The following EEPD1 variants were observed in gnomAD, a reference collection of about 807,000 sequenced individuals.
EEPD1 encodes the protein endonuclease/exonuclease/phosphatase family domain containing 1.
A neutral mutation model predicts 46.3 loss-of-function variants in EEPD1; 17 were observed. The observed-to-expected ratio is 0.37, with a 90% CI of 0.25 to 0.55. The LOEUF (loss-of-function observed/expected upper bound fraction) is 0.55. Among genes scored for constraint, EEPD1 ranks in the 20% least tolerant of loss-of-function variants. EEPD1 has a pLI of 0.83. For synonymous variants in EEPD1, 313 were observed against 315.6 expected (o/e 0.99, Z 0.09); for missense variants, 673 against 745.6 (o/e 0.90, Z 1.13).
rs11461004 is a variant in EEPD1 at position 36,292,988 on chromosome 7, T to TAA, written c.1316-3996_1316-3995dup. Reference sequence around the variant, plus strand: ...ATTGTTGGTTTGTTACACCTAAAGTTAAAAAAAAAATTATTCCCAGTAAGA... The same window carrying TAA: ...ATTGTTGGTTTGTTACACCTAAAGTTAAAAAAAAAAAATTATTCCCAGTAAGA... On this transcript the variant is annotated intron_variant, in intron 6 of 7. Coordinates refer to ENST00000242108, the MANE Select transcript of EEPD1 (RefSeq NM_030636.3). Among the ~76,000 whole-genome samples, 48 of 150,812 alleles carry TAA rather than the reference T, an allele frequency of 3.2e-4. No homozygotes were observed. The East Asian group carries it at 5.0e-3, about 16-fold the overall frequency.
rs190287158 is a variant in EEPD1, at chr7:36,163,513, G to C, written c.878+8311G>C. Among the ~76,000 whole-genome samples the C allele has an allele frequency of 4.6e-5, 7 of 152,264 alleles. No homozygotes were observed. The East Asian group carries it at 1.4e-3, about 29-fold the overall frequency. ...CTCAGCGAAGCTGAGAAATTTTACT[G>C]CTTTCAGAGGGTGGAACTTGGTTTA... On this transcript the variant is annotated intron_variant, in intron 2 of 7. Transcript: ENST00000242108.
chr7:36,294,625 A>AT (rs943030426), intron 6 of EEPD1, among the ~76,000 whole-genome samples: 1 of 151,820 alleles, frequency 6.6e-6, no homozygotes, highest in Non-Finnish European at 1.5e-5. Flanking sequence ...TTTAAAAAAA[A>AT]TTTTTTTTTA....
At chr7:36,157,323 A>G (rs938199011) in intron 2 of EEPD1, among the ~76,000 whole-genome samples, 3 of 152,182 alleles carry the variant, frequency 2.0e-5, no homozygotes, top group African/African-American at 7.2e-5. Flanking sequence ...CCAAGCGTTG[A>G]GGAGCTTATT....
intron 2 of EEPD1, among the ~76,000 whole-genome samples, chr7:36,176,920 G>A (rs916723310): frequency 6.6e-6 from 1 of 152,158 alleles, no homozygotes; most frequent in African/African-American, 2.4e-5. Context: ...CTCAGTGGAA[G>A]GAAAAATAAT....
chr7:36,154,730 C>G lies in EEPD1; in HGVS notation c.406C>G (p.Arg136Gly), dbSNP rs1159836240. The change falls in exon 2 of 8, where the codon CGT becomes GGT. Residue 136 changes from arginine (R) to glycine (G), a missense_variant. Arg to Gly is a moderately radical substitution (Grantham distance 125, BLOSUM62 -2). Coordinates refer to ENST00000242108, the MANE Select transcript of EEPD1 (RefSeq NM_030636.3). This position sits in a 1 kb window ranked among gnomAD's most constrained non-coding sequence, Gnocchi z 4.2. ...GGCCACAGCTGTGCCCCTCACCCCA[C>G]GTGTTAACATCAACACAGCCACCCC... ...HLATAVPLTP[R>G]VNINTATPAQ... The G allele has an allele frequency of 6.2e-6, 10 of 1,613,932 alleles. No homozygotes were observed. The highest frequency in any genetic ancestry group is 7.6e-6 in the Non-Finnish European group (9 of 1,180,036).
intron 2 of EEPD1, among the ~76,000 whole-genome samples, chr7:36,209,452 C>A (rs895304049): frequency 6.6e-6 from 1 of 152,136 alleles, no homozygotes; most frequent in Non-Finnish European, 1.5e-5. Flanking sequence ...GGCATATACA[C>A]GTGTGCCGTT....
In EEPD1 at chr7:36,280,705, G is replaced by C. The variant is rs115059256; in HGVS notation, c.931-410G>C. Among the ~76,000 whole-genome samples, 897 of 151,720 alleles carry C rather than the reference G, an allele frequency of 5.9e-3. 7 individuals are homozygous for C. Among genetic ancestry groups the C allele is most frequent in the African/African-American group, 0.021 (853 of 41,488 alleles). Reference sequence around the variant, plus strand: ...TTGCCCCTGTAAGCTGAGCCCTGAAGAAGAAAGTCACCATGTATCCATCTT... The same window carrying C: ...TTGCCCCTGTAAGCTGAGCCCTGAACAAGAAAGTCACCATGTATCCATCTT... On this transcript the variant is annotated intron_variant, in intron 3 of 7. Coordinates refer to ENST00000242108, the MANE Select transcript of EEPD1 (RefSeq NM_030636.3).
At chr7:36,260,975 G>A (rs1043993079) in intron 3 of EEPD1, among the ~76,000 whole-genome samples, 1 of 152,212 alleles carries the variant, frequency 6.6e-6, no homozygotes, top group African/African-American at 2.4e-5. Context: ...AGGAAGATGT[G>A]CATAGATTAT....
intron 2 of EEPD1, among the ~76,000 whole-genome samples, chr7:36,159,496 A>G (rs1168300363): frequency 6.6e-6 from 1 of 152,228 alleles, no homozygotes; most frequent in African/African-American, 2.4e-5. Context: ...GTTAAATAGC[A>G]TCTGTGTGGC....
At chr7:36,187,899 C>G (rs1785388885) in intron 2 of EEPD1, among the ~76,000 whole-genome samples, 1 of 152,132 alleles carries the variant, frequency 6.6e-6, no homozygotes, top group Non-Finnish European at 1.5e-5. Flanking sequence ...TGAGTTCAAG[C>G]GATTCTCCTG....
At chr7:36,254,922 G>A (rs181145635) in intron 3 of EEPD1, among the ~76,000 whole-genome samples, 468 of 152,096 alleles carry the variant, frequency 3.1e-3, no homozygotes, top group African/African-American at 0.01. Context: ...TTTTTTGGCC[G>A]CATAAATGTC....
rs1438249901 is a variant in EEPD1 at position 36,281,248 on chromosome 7, G to C, written c.1041+23G>C. The stretch of plus-strand genomic sequence containing the variant: ...AAGGTACCCTCGTCTGCAAAGCCTG[G>C]CCTTTCCCTTCATTTAATTTATACA... On this transcript the variant is annotated intron_variant, in intron 4 of 7. Transcript: ENST00000242108. 1.9e-6 allele frequency: 3 copies of C among 1,602,326 alleles called. No individual in the cohort carries two copies. The East Asian group carries it at 6.7e-5, about 36-fold the overall frequency.
rs180899325 is a variant in EEPD1 at position 36,267,597 on chromosome 7, T to G, written c.931-13518T>G. ...ACACCAACACCAAGACCATCCTGGA[T>G]GCACACAAGCTCCTGGAACCACTCC... On this transcript the variant is annotated intron_variant, in intron 3 of 7. Coordinates refer to ENST00000242108, the MANE Select transcript of EEPD1 (RefSeq NM_030636.3). Among the ~76,000 whole-genome samples the G allele has an allele frequency of 1.1e-3, 163 of 152,298 alleles. 1 individual carries two copies. The highest frequency in any genetic ancestry group is 3.7e-3 in the African/African-American group (153 of 41,572).
intron 5 of EEPD1, among the ~76,000 whole-genome samples, chr7:36,285,617 C>CA (rs1787331462): frequency 6.6e-6 from 1 of 152,190 alleles, no homozygotes; most frequent in Admixed American, 6.5e-5. Flanking sequence ...GAGCCTTATC[C>CA]CCGTGGTCCT....
At chr7:36,184,185 T>C (rs1785322424) in intron 2 of EEPD1, among the ~76,000 whole-genome samples, 1 of 152,212 alleles carries the variant, frequency 6.6e-6, no homozygotes, top group Non-Finnish European at 1.5e-5. Flanking sequence ...TCTAACAAAA[T>C]TGTATGGCCA....
chr7:36,247,782 C>T (rs1457729937), intron 3 of EEPD1, among the ~76,000 whole-genome samples: 1 of 152,226 alleles, frequency 6.6e-6, no homozygotes, highest in African/African-American at 2.4e-5. Flanking sequence ...CCTTAGCAGG[C>T]ATACTGGACG....
intron 2 of EEPD1, among the ~76,000 whole-genome samples, chr7:36,186,277 A>C (rs962088828): frequency 6.6e-6 from 1 of 152,028 alleles, no homozygotes; most frequent in East Asian, 1.9e-4. Flanking sequence ...CTCTTCCTCA[A>C]AATCTACCTC....
intron 2 of EEPD1, among the ~76,000 whole-genome samples, chr7:36,167,079 C>A (rs980078760): frequency 2.6e-5 from 4 of 152,172 alleles, no homozygotes; most frequent in African/African-American, 9.7e-5. Context: ...GGTCTTTCCT[C>A]TGTACCCAAA....
intron 3 of EEPD1, among the ~76,000 whole-genome samples, chr7:36,239,477 G>A (rs1028456345): frequency 6.6e-6 from 1 of 152,102 alleles, no homozygotes; most frequent in African/African-American, 2.4e-5. Flanking sequence ...GAACTAAGTA[G>A]AGGAGTGATG....
Sources: allele counts gnomAD v4.1 joint callset (sites outside exome capture counted in the v4.1 genomes callset), GRCh38; gene constraint gnomAD v4.1.1; non-coding constraint Gnocchi (gnomAD v3.1); transcripts MANE v1.5; gene names NCBI Gene and HGNC (gene_info 2026-07-23, HGNC 2026-07-21).